Variants in CEP20 observed in about 807,000 individuals in gnomAD.
The protein encoded by CEP20 is FGFR1OP N-terminal like.
CEP20 carries 18 observed loss-of-function variants against 20.0 expected under a neutral mutation model. The observed-to-expected ratio is 0.90, with a 90% CI of 0.62 to 1.34. CEP20 has a LOEUF of 1.34. Among genes scored for constraint, CEP20 ranks in the 40% most tolerant of loss-of-function variants. CEP20 has a pLI of 0.00. For synonymous variants in CEP20, 77 were observed against 73.7 expected, an observed-to-expected ratio of 1.04 and a Z score of -0.23; for missense variants, 215 against 201.6, an observed-to-expected ratio of 1.07 and a Z score of -0.40.
At chr16:15,868,052 C>T (rs557928900) in intron 4 of CEP20, among the ~76,000 whole-genome samples, 274 of 149,292 alleles carry the variant, frequency 1.8e-3, no homozygotes, top group African/African-American at 6.5e-3. Context: ...AGTTTCTTGA[C>T]TTTTTTTTTG....
intron 4 of CEP20, among the ~76,000 whole-genome samples, chr16:15,869,228 T>C (rs1449477127): frequency 6.6e-6 from 1 of 151,978 alleles, no homozygotes; most frequent in African/African-American, 2.4e-5. Context: ...ATAAACCCTC[T>C]TCATTTTTTT....
chr16:15,871,656 T>C (rs2044822977), intron 4 of CEP20, among the ~76,000 whole-genome samples: 1 of 152,308 alleles, frequency 6.6e-6, no homozygotes, highest in Non-Finnish European at 1.5e-5. Context: ...GTTGAGTTAC[T>C]TAACCTCTTA....
intron 1 of CEP20, 34 bp downstream of exon 1, chr16:15,888,524 C>T (rs760868898): frequency 1.2e-6 from 2 of 1,614,132 alleles, no homozygotes; most frequent in South Asian, 1.1e-5. Context: ...AGGCCCGACG[C>T]TTCCCATGTG....
chr16:15,873,493 ATTGGCTTTCTTCTAC>A lies in CEP20; in HGVS notation c.431_445del (p.Ser144_Pro148del). The stretch of plus-strand genomic sequence containing the variant: ...GATGAATCTTGGAAAACTCATACCC[ATTGGCTTTCTTCTAC>A]TAGGTTGTCTGCCAAGACTTGGGTC... On this transcript the variant is annotated inframe_deletion, in exon 4 of 5. Coordinates refer to ENST00000255759, the MANE Select transcript of CEP20 (RefSeq NM_144600.4). 4 of 1,611,914 alleles carry A rather than the reference ATTGGCTTTCTTCTAC, an allele frequency of 2.5e-6. No individual in the cohort carries two copies. Among genetic ancestry groups the A allele is most frequent in the Non-Finnish European group, 3.4e-6 (4 of 1,179,432 alleles).
chr16:15,882,731 A>ATATC (rs68035220), intron 2 of CEP20, among the ~76,000 whole-genome samples: 4,795 of 145,612 alleles, frequency 0.033, 110 homozygotes, highest in African/African-American at 0.06. Flanking sequence ...TATCTCCATT[A>ATATC]TATCTATCTA....
rs1297038413 is a variant in CEP20 at position 15,879,794 on chromosome 16, A to T, written c.311+10T>A. ...CAATATGTGGAAACTTCTTTAAAAA[A>T]ATGTCTTACATTGTATTATCCTTTG... On this transcript the variant is annotated intron_variant, in intron 3 of 4. Transcript: ENST00000255759. 6.5e-7 allele frequency: 1 copy of T among 1,530,724 alleles called. No homozygotes were observed. The highest frequency in any genetic ancestry group is 1.4e-5 in the African/African-American group (1 of 71,620). The allele number at this position is 1,530,724 out of a possible 1,614,324, so 94.8% of individuals were successfully genotyped here. A position where few individuals can be genotyped will look rare whatever the true frequency, so the allele number is the denominator to read the frequency against.
intron 3 of CEP20, among the ~76,000 whole-genome samples, chr16:15,877,601 T>TA (rs993719692): frequency 2.6e-5 from 4 of 151,882 alleles, no homozygotes; most frequent in Admixed American, 1.3e-4. Flanking sequence ...ACACCATTTC[T>TA]AAAAAAAATA....
At chr16:15,874,614 T>C (rs1434865837) in intron 3 of CEP20, among the ~76,000 whole-genome samples, 1 of 151,372 alleles carries the variant, frequency 6.6e-6, no homozygotes, top group Non-Finnish European at 1.5e-5. Context: ...GAAAACACAA[T>C]TAAAAGGATT....
At chr16:15,868,739 ATT>A (rs2044743927) in intron 4 of CEP20, among the ~76,000 whole-genome samples, 1 of 152,078 alleles carries the variant, frequency 6.6e-6, no homozygotes, top group Non-Finnish European at 1.5e-5. Flanking sequence ...CTCTCCCTTT[ATT>A]TTAGGTAACT....
intron 3 of CEP20, among the ~76,000 whole-genome samples, chr16:15,879,555 A>T (rs920259646): frequency 6.6e-6 from 1 of 152,186 alleles, no homozygotes; most frequent in Admixed American, 6.6e-5. Flanking sequence ...TTAGAAGGAC[A>T]AAGGATCAAG....
intron 3 of CEP20, among the ~76,000 whole-genome samples, chr16:15,878,212 T>C (rs144008455): frequency 6.6e-6 from 1 of 152,186 alleles, no homozygotes; most frequent in African/African-American, 2.4e-5. Flanking sequence ...AGAAAGGTGA[T>C]GTAGGGCTTC....
At chr16:15,868,288 TG>T (rs2044735101) in intron 4 of CEP20, among the ~76,000 whole-genome samples, 1 of 152,012 alleles carries the variant, frequency 6.6e-6, no homozygotes, top group Non-Finnish European at 1.5e-5. Context: ...CCAGGCGTGG[TG>T]GCGGGCACCT....
chr16:15,875,378 T>G (rs556078768), intron 3 of CEP20, among the ~76,000 whole-genome samples: 94 of 152,294 alleles, frequency 6.2e-4, no homozygotes, highest in African/African-American at 2.2e-3. Flanking sequence ...AATTTTGGGT[T>G]GGACATGGGG....
chr16:15,869,990 G>A (rs1228436855), intron 4 of CEP20, among the ~76,000 whole-genome samples: 1 of 152,148 alleles, frequency 6.6e-6, no homozygotes, highest in Non-Finnish European at 1.5e-5. Flanking sequence ...CACCCAAGGT[G>A]GCTTTACTGA....
chr16:15,888,338 A>C (rs1205903148), intron 1 of CEP20, among the ~76,000 whole-genome samples: 4 of 152,126 alleles, frequency 2.6e-5, no homozygotes, highest in African/African-American at 4.8e-5. Context: ...CTTTAGCTCC[A>C]AACTGGCTTA....
At chr16:15,882,775 CTATCT>C (rs879591470) in intron 2 of CEP20, among the ~76,000 whole-genome samples, 2,093 of 64,296 alleles carry the variant, frequency 0.033, 27 homozygotes, top group Admixed American at 0.088. Context: ...ATCTATCTAT[CTATCT>C]AGATACACAC....
At position 15,865,773 on chromosome 16, in the gene CEP20, CA is replaced by C. The variant is rs2044664047; in HGVS notation, c.*1666del. 6.6e-6 allele frequency: 1 copy of C among 152,092 alleles called. No homozygotes were observed. Among genetic ancestry groups the C allele is most frequent in the African/African-American group, 2.4e-5 (1 of 41,422 alleles). The allele number at this position is 152,092 out of a possible 1,614,324, so 9.4% of individuals were successfully genotyped here. ...ACATTGAAAGTATAAAAAGTTGCCG[CA>C]GTACAAACAAATTACAGAATAATGC... is the stretch of plus-strand genomic sequence containing the variant. On this transcript the variant is annotated 3_prime_UTR_variant, in exon 5 of 5. Transcript: ENST00000255759.
chr16:15,888,547 C>T lies in CEP20; in HGVS notation c.28+11G>A. ...CGCTTCCCATGTGGAGGCCTCCCTG[C>T]TCGCACTCACCAGCCTTCAACTCTG... On this transcript the variant is annotated intron_variant, in intron 1 of 4. Coordinates refer to ENST00000255759, the MANE Select transcript of CEP20 (RefSeq NM_144600.4). The T allele has an allele frequency of 1.2e-6, 2 of 1,614,152 alleles. No homozygotes were observed. The highest frequency in any genetic ancestry group is 1.1e-5 in the South Asian group (1 of 91,078).
intron 3 of CEP20, among the ~76,000 whole-genome samples, chr16:15,875,450 C>G (rs1039600481): frequency 6.6e-6 from 1 of 151,904 alleles, no homozygotes; most frequent in Non-Finnish European, 1.5e-5. Flanking sequence ...GAGTTTGAGA[C>G]AGCCTGAACA....
Sources: gnomAD v4.1 joint callset for allele counts (sites outside exome capture counted in the v4.1 genomes callset) on GRCh38, gnomAD v4.1.1 for gene constraint, MANE v1.5 for transcripts, NCBI Gene and HGNC (gene_info 2026-07-23, HGNC 2026-07-21) for gene names.